The following MYO10 variants were observed in gnomAD, a reference collection of about 807,000 sequenced individuals.
MYO10 encodes the protein myosin X, also known as unconventional myosin-X.
Under a neutral mutation model 257.3 loss-of-function variants are expected in MYO10, and 133 were observed. That is an observed-to-expected ratio of 0.52 (90% CI 0.45 to 0.60). MYO10 has a LOEUF of 0.60. Among genes scored for constraint, MYO10 ranks in the 20% least tolerant of loss-of-function variants. The pLI is 0.00. For synonymous variants in MYO10, 1,104 were observed against 1,028.6 expected, an observed-to-expected ratio of 1.07 and a Z score of -1.40; for missense variants, 2,399 against 2,635.7, an observed-to-expected ratio of 0.91 and a Z score of 1.97.
chr5:16,889,474 A>AGAAAGAAG (rs1220869571), intron 1 of MYO10, among the ~76,000 whole-genome samples: 1 of 133,270 alleles, frequency 7.5e-6, no homozygotes, highest in African/African-American at 2.9e-5. Context: ...AGGGAAGAAA[A>AGAAAGAAG]GAAAGAAGGA....
chr5:16,765,344 T>A (rs1182343703), intron 11 of MYO10, among the ~76,000 whole-genome samples: 2 of 152,208 alleles, frequency 1.3e-5, no homozygotes, highest in Admixed American at 1.3e-4. Flanking sequence ...CCATGCCGGA[T>A]GCTTCCTGCC....
intron 2 of MYO10, among the ~76,000 whole-genome samples, chr5:16,824,896 A>T (rs529728113): frequency 6.6e-6 from 1 of 152,124 alleles, no homozygotes. Context: ...AAACAAAAAA[A>T]CTTTCAAAAA....
chr5:16,837,170 C>T (rs1480438474), intron 2 of MYO10, among the ~76,000 whole-genome samples: 5 of 151,932 alleles, frequency 3.3e-5, no homozygotes, highest in South Asian at 2.1e-4. Flanking sequence ...ATTAGCAGGG[C>T]GTGGTGGCAG....
chr5:16,737,020 C>A (rs1341865773), intron 19 of MYO10, among the ~76,000 whole-genome samples: 1 of 151,858 alleles, frequency 6.6e-6, no homozygotes, highest in Non-Finnish European at 1.5e-5. Context: ...CGGCTAAAAG[C>A]TGAAATCTCA....
chr5:16,727,555 C>T lies in MYO10; in HGVS notation c.1930-16310G>A, dbSNP rs536837356. Among the ~76,000 whole-genome samples, 3 of 152,178 alleles carry T rather than the reference C, an allele frequency of 2.0e-5. No individual in the cohort carries two copies. The East Asian group carries it at 5.8e-4, about 29-fold the overall frequency. On this transcript the variant is annotated intron_variant, in intron 19 of 40. Transcript: ENST00000513610. Reference sequence around the variant, plus strand: ...TTCTCACGAGGCTAATGACTCTGAACAAATAAATCAAACACGAAGAATTTC... The same window carrying T: ...TTCTCACGAGGCTAATGACTCTGAATAAATAAATCAAACACGAAGAATTTC...
rs140812044 is a variant in MYO10 at position 16,706,628 on chromosome 5, C to T, written c.2170-1943G>A. 4.7e-3 allele frequency among the ~76,000 whole-genome samples: 713 copies of T among 152,172 alleles called. 3 individuals are homozygous for T. The highest frequency in any genetic ancestry group is 0.017 in the African/African-American group (690 of 41,508). ...ACTCTCATGAGTGACACAGCGATGA[C>T]GTGAACAAGTGGAAACCTTTGTGAA... On this transcript the variant is annotated intron_variant, in intron 21 of 40. Coordinates refer to ENST00000513610, the MANE Select transcript of MYO10 (RefSeq NM_012334.3).
chr5:16,670,054 G>A (rs948983434), intron 39 of MYO10, among the ~76,000 whole-genome samples: 4 of 151,944 alleles, frequency 2.6e-5, no homozygotes, highest in Non-Finnish European at 5.9e-5. Context: ...TTCAATAAGC[G>A]GTCTACTTAA....
chr5:16,725,411 A>G (rs1209594615), intron 19 of MYO10, among the ~76,000 whole-genome samples: 1 of 152,048 alleles, frequency 6.6e-6, no homozygotes, highest in Non-Finnish European at 1.5e-5. Flanking sequence ...TACATCTTAA[A>G]TTGAAAATCG....
chr5:16,779,455 A>T (rs919934875), intron 9 of MYO10, 90 bp downstream of exon 9: 6 of 715,088 alleles, frequency 8.4e-6, no homozygotes, highest in Admixed American at 7.0e-5. Context: ...ATTTCTATTT[A>T]AAAAAATCTT....
chr5:16,778,453 G>A (rs1741289123), intron 9 of MYO10, among the ~76,000 whole-genome samples: 1 of 152,070 alleles, frequency 6.6e-6, no homozygotes, highest in African/African-American at 2.4e-5. Flanking sequence ...ATCTCCAAGC[G>A]TCCCAAGAAT....
intron 26 of MYO10, among the ~76,000 whole-genome samples, chr5:16,695,526 G>GA (rs531109269): frequency 1.6e-3 from 221 of 137,244 alleles, no homozygotes; most frequent in South Asian, 0.015. Context: ...CTGAGACTAT[G>GA]AAAAAAAAAA....
rs191884793 is a variant in MYO10 at position 16,711,432 on chromosome 5, C to T, written c.1930-187G>A. The stretch of plus-strand genomic sequence containing the variant: ...GGAACCATCACCTCGCCTTAACAAC[C>T]GTCAACCCCTGCCAATCCTGCCCCA... On this transcript the variant is annotated intron_variant, in intron 19 of 40. Coordinates refer to ENST00000513610, the MANE Select transcript of MYO10 (RefSeq NM_012334.3). Among the ~76,000 whole-genome samples the T allele has an allele frequency of 2.9e-3, 445 of 152,308 alleles. 4 individuals are homozygous for T. The highest frequency in any genetic ancestry group is 0.01 in the African/African-American group (424 of 41,566).
At chr5:16,867,331 T>C (rs1013998374) in intron 2 of MYO10, among the ~76,000 whole-genome samples, 1 of 152,140 alleles carries the variant, frequency 6.6e-6, no homozygotes, top group African/African-American at 2.4e-5. Flanking sequence ...TTTTCCTGCA[T>C]TCAACAGGCT....
In MYO10 at chr5:16,694,504, C is replaced by CG; in HGVS notation, c.3666_3667insC (p.Gly1223ArgfsTer28). The CG allele has an allele frequency of 6.2e-7, 1 of 1,614,010 alleles. No individual in the cohort carries two copies. On this transcript the variant is annotated frameshift_variant, in exon 27 of 41. Transcript: ENST00000513610. LOFTEE classifies it high-confidence loss of function. The stretch of plus-strand genomic sequence containing the variant: ...CTGGACAGCGTGGAGGAGCCCCCCC[C>CG]TTTTTTGTGGAGCCAGCCTTGCTTG...
intron 19 of MYO10, among the ~76,000 whole-genome samples, chr5:16,713,156 C>T (rs1738696900): frequency 6.6e-6 from 1 of 152,192 alleles, no homozygotes; most frequent in Non-Finnish European, 1.5e-5. Context: ...TGCGCAAAGA[C>T]TTTCATCCAA....
At chr5:16,677,931 T>G (rs546617485) in intron 33 of MYO10, among the ~76,000 whole-genome samples, 36 of 151,878 alleles carry the variant, frequency 2.4e-4, no homozygotes, top group South Asian at 8.3e-4. Flanking sequence ...CAGCTAACTT[T>G]TGTATTTTCA....
chr5:16,916,313 G>A, intron 1 of MYO10: 1 of 312,364 alleles, frequency 3.2e-6, no homozygotes, highest in Non-Finnish European at 6.4e-6. Context: ...GTCTTTTTAA[G>A]TTATTCCCAA....
chr5:16,722,180 C>T (rs528834512), intron 19 of MYO10, among the ~76,000 whole-genome samples: 14 of 152,318 alleles, frequency 9.2e-5, no homozygotes, highest in South Asian at 2.1e-4. Flanking sequence ...AGGTGCCATC[C>T]GTGATGCTCT....
At chr5:16,806,379 G>A (rs1289379872) in intron 3 of MYO10, among the ~76,000 whole-genome samples, 2 of 151,776 alleles carry the variant, frequency 1.3e-5, no homozygotes, top group Non-Finnish European at 2.9e-5. Context: ...GGGTGCGACG[G>A]CTCACACCTG....
Sources: gnomAD v4.1 joint callset for allele counts (sites outside exome capture counted in the v4.1 genomes callset) on GRCh38, gnomAD v4.1.1 for gene constraint, MANE v1.5 for transcripts, NCBI Gene and HGNC (gene_info 2026-07-23, HGNC 2026-07-21) for gene names.